The following MRC2 variants were observed in gnomAD, a reference collection of about 807,000 sequenced individuals.
MRC2 encodes C-type mannose receptor 2.
MRC2 carries 84 observed loss-of-function variants against 206.2 expected under a neutral mutation model. That is an observed-to-expected ratio of 0.41 (90% CI 0.34 to 0.49). The LOEUF (loss-of-function observed/expected upper bound fraction) is 0.49. Among genes scored for constraint, MRC2 ranks in the 20% least tolerant of loss-of-function variants. MRC2 has a pLI of 0.31. For missense variants in MRC2, 1,676 were observed against 2,001.5 expected (o/e 0.84, Z 3.10); for synonymous variants, 798 against 800.0 (o/e 1.00, Z 0.04).
At chr17:62,649,755 C>A (rs16946311) in intron 1 of MRC2, among the ~76,000 whole-genome samples, 2 of 152,008 alleles carry the variant, frequency 1.3e-5, no homozygotes, top group Admixed American at 1.3e-4. Flanking sequence ...CTCATGTCTC[C>A]TATGCAGCGT....
chr17:62,662,322 G>A (rs1399001197), intron 1 of MRC2, among the ~76,000 whole-genome samples: 3 of 152,038 alleles, frequency 2.0e-5, no homozygotes, highest in South Asian at 2.1e-4. Context: ...GATCAGCATC[G>A]GGGAAGAGAG....
At chr17:62,628,497 G>C (rs1325060611) in intron 1 of MRC2, among the ~76,000 whole-genome samples, 1 of 152,144 alleles carries the variant, frequency 6.6e-6, no homozygotes, top group African/African-American at 2.4e-5. Flanking sequence ...TCCGCCCCGC[G>C]TGAGCTCGGC....
chr17:62,671,929 C>A lies in MRC2; in HGVS notation c.1307-69C>A. 1 of 1,608,328 alleles carries A rather than the reference C, an allele frequency of 6.2e-7. No homozygotes were observed. The highest frequency in any genetic ancestry group is 1.1e-5 in the South Asian group (1 of 90,586). The stretch of plus-strand genomic sequence containing the variant: ...CCAGGAGCCTCAGAGAATGTTCCTT[C>A]CTCCCTACTGGTGGCTGAGGCTGAC... On this transcript the variant is annotated intron_variant, in intron 7 of 29. Coordinates refer to ENST00000303375, the MANE Select transcript of MRC2 (RefSeq NM_006039.5). This position sits in a 1 kb window ranked among gnomAD's most constrained non-coding sequence, Gnocchi z 4.5.
intron 1 of MRC2, among the ~76,000 whole-genome samples, chr17:62,632,440 CT>C (rs894082382): frequency 6.6e-6 from 1 of 152,210 alleles, no homozygotes; most frequent in Non-Finnish European, 1.5e-5. Flanking sequence ...CCTGATTTCT[CT>C]TTCTCTGACT....
At chr17:62,637,304 G>C (rs2088334566) in intron 1 of MRC2, among the ~76,000 whole-genome samples, 1 of 152,208 alleles carries the variant, frequency 6.6e-6, no homozygotes, top group Non-Finnish European at 1.5e-5. Context: ...GGGAGGCTGA[G>C]GCAGGTGGAT....
In MRC2 at chr17:62,692,394, G is replaced by A. The variant is rs188065318; in HGVS notation, c.4383G>A (p.Glu1461=). The A allele has an allele frequency of 1.1e-4, 171 of 1,575,318 alleles. 1 individual carries two copies. The highest frequency in any genetic ancestry group is 8.9e-5 in the Non-Finnish European group (103 of 1,160,178). Residue 1461 remains glutamate (E), a synonymous_variant, in exon 30 of 30, where the codon GAG becomes GAA. Coordinates refer to ENST00000303375, the MANE Select transcript of MRC2 (RefSeq NM_006039.5). This position sits in a 1 kb window ranked among gnomAD's most constrained non-coding sequence, Gnocchi z 4.2. ...GCCGCAGCAGCTCCAGCCCCACCGA[G>A]GCCACTGAGAAGAACATCCTGGTGT... ...RYSRSSSSPT[E]ATEKNILVSD... is the part of the protein sequence containing the mutation.
At chr17:62,638,465 C>T (rs375212500) in intron 1 of MRC2, among the ~76,000 whole-genome samples, 1 of 152,186 alleles carries the variant, frequency 6.6e-6, no homozygotes, top group African/African-American at 2.4e-5. Flanking sequence ...GATGGCCGGG[C>T]GTGGTGGTTC....
Position 62,680,813 on chromosome 17 carries a change from G to C in MRC2, c.2487G>C (p.Trp829Cys). ...CTGCTCCTGCAGGCCGACGGGAATG[G>C]CTGCGCTTCCAGGAGGCCGAGTACA... ...PDDSPQGRRE[W>C]LRFQEAEYKF... Residue 829 changes from tryptophan (W) to cysteine (C), a missense_variant, in exon 17 of 30, where the codon TGG becomes TGC. By Grantham distance (215) the Trp-to-Cys change is radical. Transcript: ENST00000303375. The surrounding 1 kb of genome is among the most constrained non-coding windows in gnomAD (Gnocchi z 4.8). The C allele has an allele frequency of 6.2e-7, 1 of 1,611,210 alleles. No homozygotes were observed. Among genetic ancestry groups the C allele is most frequent in the Non-Finnish European group, 8.5e-7 (1 of 1,179,094 alleles).
intron 23 of MRC2, 44 bp from the exon 24 acceptor site, chr17:62,689,478 G>C: frequency 7.6e-7 from 1 of 1,316,752 alleles, no homozygotes; most frequent in Non-Finnish European, 1.0e-6. Context: ...GGAACGGGGT[G>C]AGGGAAGCAG....
intron 1 of MRC2, among the ~76,000 whole-genome samples, chr17:62,641,895 C>CTCTGTGTGTG (rs56350809): frequency 6.7e-6 from 1 of 149,954 alleles, no homozygotes; most frequent in African/African-American, 2.5e-5. Flanking sequence ...ATCTCACTCT[C>CTCTGTGTGTG]TGTGTGTGTG....
chr17:62,688,901 G>A lies in MRC2; in HGVS notation c.3275G>A (p.Arg1092His), dbSNP rs1458672493. 7 of 1,613,570 alleles carry A rather than the reference G, an allele frequency of 4.3e-6. No individual in the cohort carries two copies. Among genetic ancestry groups the A allele is most frequent in the Non-Finnish European group, 5.1e-6 (6 of 1,180,006 alleles). Residue 1092 changes from arginine to histidine, a missense_variant, in exon 23 of 30, where the codon CGC becomes CAC. Arg to His is a conservative substitution (Grantham distance 29). Coordinates refer to ENST00000303375, the MANE Select transcript of MRC2 (RefSeq NM_006039.5). ...AGCCCCTCAGCCCACTTCACTGGCC[G>A]CTGGGACGATCGGAGCTGCACGGAG... ...LHSPSAHFTG[R>H]WDDRSCTEET... is the part of the protein sequence containing the mutation.
At chr17:62,633,677 GAAA>G (rs761792736) in intron 1 of MRC2, among the ~76,000 whole-genome samples, 3 of 113,330 alleles carry the variant, frequency 2.6e-5, no homozygotes, top group East Asian at 2.5e-4. Context: ...AGTCACTACA[GAAA>G]AAAAAAAAAA....
intron 1 of MRC2, among the ~76,000 whole-genome samples, chr17:62,660,707 C>A (rs2088669527): frequency 6.6e-6 from 1 of 152,176 alleles, no homozygotes; most frequent in Non-Finnish European, 1.5e-5. Context: ...ATAACAAAAT[C>A]CAGCATTCTT....
chr17:62,640,949 G>A (rs1267508231), intron 1 of MRC2, among the ~76,000 whole-genome samples: 2 of 151,164 alleles, frequency 1.3e-5, no homozygotes, highest in East Asian at 1.9e-4. Flanking sequence ...TGATCCACCC[G>A]CCTCAGCCTC....
chr17:62,633,502 CA>C (rs999150702), intron 1 of MRC2, among the ~76,000 whole-genome samples: 10,611 of 73,594 alleles, frequency 0.14, 475 homozygotes, highest in African/African-American at 0.31. Context: ...GACTCCGTCT[CA>C]AAAAAAAAAA....
Position 62,674,077 on chromosome 17 carries a change from C to G in MRC2, c.1476C>G (p.Asn492Lys). The change falls in exon 9 of 30, where the codon AAC (asparagine) becomes AAG (lysine). Residue 492 changes from asparagine to lysine, a missense_variant. By Grantham distance (94) the Asn-to-Lys change is moderately conservative (BLOSUM62 0). Around this residue, in one of 3 missense-constraint regions of MRC2, gnomAD observed 1,354 missense variants for 1,636.6 expected, o/e 0.83. Transcript: ENST00000303375. ...TGTGTCCGTAGGAAGGCCGCTGGAA[C>G]GACAGTCCCTGTAACCAGTCCTTGC... is the stretch of plus-strand genomic sequence containing the variant. ...VTIWGPEGRW[N>K]DSPCNQSLPS... 1 of 1,552,150 alleles carries G rather than the reference C, an allele frequency of 6.4e-7. No homozygotes were observed.
chr17:62,628,754 G>A (rs1191535967), intron 1 of MRC2, among the ~76,000 whole-genome samples: 1 of 152,208 alleles, frequency 6.6e-6, no homozygotes, highest in Non-Finnish European at 1.5e-5. Flanking sequence ...GTGAAGTGTG[G>A]GGACAGACAG....
Position 62,680,683 on chromosome 17 carries a change from G to A in MRC2, c.2474-117G>A. 1.5e-6 allele frequency: 2 copies of A among 1,329,516 alleles called. 1 individual carries two copies. Among genetic ancestry groups the A allele is most frequent in the South Asian group, 3.2e-5 (2 of 62,220 alleles). 82.4% of individuals were successfully genotyped at this position (1,329,516 alleles called of 1,614,324 possible). On this transcript the variant is annotated intron_variant, in intron 16 of 29. Coordinates refer to ENST00000303375, the MANE Select transcript of MRC2 (RefSeq NM_006039.5). This position sits in a 1 kb window ranked among gnomAD's most constrained non-coding sequence, Gnocchi z 4.8. ...CACGGTGCCTGCCTGGGTCCGGTGTGCCTGCAGGCTCGCCTGCTGCCGCCT... is the reference window on the plus strand; with the variant it reads ...CACGGTGCCTGCCTGGGTCCGGTGTACCTGCAGGCTCGCCTGCTGCCGCCT...
At chr17:62,689,842 C>T (rs2089082165) in intron 24 of MRC2, 52 bp from the exon 25 acceptor site, 1 of 1,553,862 alleles carries the variant, frequency 6.4e-7, no homozygotes, top group East Asian at 2.4e-5. Context: ...GCCTTATCCG[C>T]ACCCTATCCT....
Sources: gnomAD v4.1 joint callset for allele counts (sites outside exome capture counted in the v4.1 genomes callset) on GRCh38, gnomAD v4.1.1 for gene constraint, gnomAD v4.1.1 regional missense constraint, Gnocchi (gnomAD v3.1) non-coding constraint, MANE v1.5 for transcripts, NCBI Gene and HGNC (gene_info 2026-07-23, HGNC 2026-07-21) for gene names.